Variants in CYP26C1 observed in about 807,000 individuals in gnomAD.
CYP26C1 encodes the protein cytochrome P450 family 26 subfamily C member 1.
In CYP26C1, 41 loss-of-function variants were observed where a neutral mutation model predicts 39.1. The ratio of observed to expected loss-of-function variants is 1.05; its 90% confidence interval spans 0.82 to 1.36. The LOEUF (loss-of-function observed/expected upper bound fraction) is 1.36, where lower values mean the gene tolerates loss of function less well. Ranked by LOEUF, CYP26C1 falls within the 40% of genes most tolerant of loss-of-function variation. The probability of loss-of-function intolerance (pLI) is 0.00; values close to 1 mark genes in which losing one functional copy is unlikely to be tolerated. For missense variants in CYP26C1, 833 were observed against 752.0 expected (o/e 1.11, Z -1.26); for synonymous variants, 362 against 350.8 (o/e 1.03, Z -0.36).
Position 93,068,320 on chromosome 10 carries a change from G to T in CYP26C1, c.1192G>T (p.Gly398Cys). The T allele has an allele frequency of 6.6e-7, 1 of 1,513,326 alleles. No homozygotes were observed. Among genetic ancestry groups the T allele is most frequent in the South Asian group, 1.3e-5 (1 of 74,422 alleles). 93.7% of individuals were successfully genotyped at this position (1,513,326 alleles called of 1,614,324 possible). ...RTALRTFELDGYQIPKGWSVM... is the reference protein window; with the variant it reads ...RTALRTFELDCYQIPKGWSVM... ...GGCTGATCTCCTCGCCTCTCTGCAG[G>T]GCTACCAGATCCCCAAGGGCTGGAG... The change falls in exon 6 of 6, where the codon GGC becomes TGC. Residue 398 changes from glycine (G) to cysteine (C), a missense_variant and splice_region_variant. By Grantham distance (159) the Gly-to-Cys change is radical. Coordinates refer to ENST00000651965, the MANE Select transcript of CYP26C1 (RefSeq NM_183374.3).
chr10:93,063,642 T>C lies in CYP26C1; in HGVS notation c.705+647T>C. 3 of 985,482 alleles carry C rather than the reference T, an allele frequency of 3.0e-6. No individual in the cohort carries two copies. In the African/African-American group the frequency reaches 5.2e-5, roughly 17 times the overall value. 61.0% of individuals were successfully genotyped at this position (985,482 alleles called of 1,614,324 possible). A position where few individuals can be genotyped will look rare whatever the true frequency, so the allele number is the denominator to read the frequency against. On this transcript the variant is annotated intron_variant, in intron 3 of 5. Transcript: ENST00000651965. ...TGGTTTTCAGTCACCTGCATAAAAA[T>C]AATATGTGTAAAGGATCATGCTATA...
chr10:93,062,923 C>A lies in CYP26C1; in HGVS notation c.633C>A (p.Ala211=), dbSNP rs767019317. Reference sequence around the variant, plus strand: ...ACGAGGCGCAGTGCGCCACGCTGGCCCGGACCTTCGAGCAGCTCGTGGAGA... The same window carrying A: ...ACGAGGCGCAGTGCGCCACGCTGGCACGGACCTTCGAGCAGCTCGTGGAGA... ...RLDEAQCATL[A]RTFEQLVENL... is the part of the protein sequence containing the mutation. Residue 211 remains alanine (A), a synonymous_variant, in exon 3 of 6, where the codon GCC becomes GCA. Coordinates refer to ENST00000651965, the MANE Select transcript of CYP26C1 (RefSeq NM_183374.3). The A allele has an allele frequency of 6.2e-7, 1 of 1,605,944 alleles. No individual in the cohort carries two copies. The highest frequency in any genetic ancestry group is 8.5e-7 in the Non-Finnish European group (1 of 1,178,788).
chr10:93,061,078 A>G lies in CYP26C1; in HGVS notation c.-186A>G. ...TTCCCTAAGGGCGCACGGTCACTGC[A>G]GTCTTTCACCGTCCGTCTGTTTTTA... On this transcript the variant is annotated 5_prime_UTR_variant, in exon 1 of 6. Transcript: ENST00000651965. 1 of 618,892 alleles carries G rather than the reference A, an allele frequency of 1.6e-6. No homozygotes were observed. Among genetic ancestry groups the G allele is most frequent in the Non-Finnish European group, 2.7e-6 (1 of 365,114 alleles). 38.3% of individuals were successfully genotyped at this position (618,892 alleles called of 1,614,324 possible).
In CYP26C1 at chr10:93,061,454, A is replaced by G. The variant is rs767361426; in HGVS notation, c.191A>G (p.His64Arg). Residue 64 changes from histidine to arginine, a missense_variant, in exon 1 of 6, where the codon CAC (histidine) becomes CGC (arginine). By Grantham distance (29) the His-to-Arg change is conservative (BLOSUM62 0). Transcript: ENST00000651965. ...MGWPFFGETL[H>R]WLVQGSRFHS... is the part of the protein sequence containing the mutation. ...TGGCCCTTCTTCGGCGAAACGCTGC[A>G]CTGGTTAGTTCAGGTGAGCAGTCCT... The G allele has an allele frequency of 1.9e-6, 3 of 1,551,258 alleles. No individual in the cohort carries two copies. The African/African-American group carries it at 4.1e-5, about 21-fold the overall frequency.
chr10:93,062,555 A>G (rs1392924590), intron 2 of CYP26C1, among the ~76,000 whole-genome samples, 165 bp from the exon 3 acceptor site: 6 of 152,244 alleles, frequency 3.9e-5, no homozygotes, highest in Admixed American at 1.3e-4. Flanking sequence ...GACTGTGTGC[A>G]TCAGAGCAGA....
Position 93,068,317 on chromosome 10 carries a change from C to A in CYP26C1, c.1192-3C>A. 1.3e-6 allele frequency: 2 copies of A among 1,508,666 alleles called. No homozygotes were observed. Among genetic ancestry groups the A allele is most frequent in the Non-Finnish European group, 1.8e-6 (2 of 1,129,708 alleles). The allele number at this position is 1,508,666 out of a possible 1,614,324, so 93.5% of individuals were successfully genotyped here. Reference sequence around the variant, plus strand: ...TCAGGCTGATCTCCTCGCCTCTCTGCAGGGCTACCAGATCCCCAAGGGCTG... The same window carrying A: ...TCAGGCTGATCTCCTCGCCTCTCTGAAGGGCTACCAGATCCCCAAGGGCTG... On this transcript the variant is annotated splice_region_variant and splice_polypyrimidine_tract_variant and intron_variant, in intron 5 of 5. Coordinates refer to ENST00000651965, the MANE Select transcript of CYP26C1 (RefSeq NM_183374.3).
chr10:93,069,111 A>T lies in CYP26C1; in HGVS notation c.*414A>T, dbSNP rs1590139404. 6.1e-6 allele frequency: 1 copy of T among 162,630 alleles called. No individual in the cohort carries two copies. The highest frequency in any genetic ancestry group is 2.4e-5 in the African/African-American group (1 of 41,918). 10.1% of individuals were successfully genotyped at this position (162,630 alleles called of 1,614,324 possible). A position where few individuals can be genotyped will look rare whatever the true frequency, so the allele number is the denominator to read the frequency against. On this transcript the variant is annotated 3_prime_UTR_variant, in exon 6 of 6. Transcript: ENST00000651965. ...ATTGCAACTCGGGGACATTGCAGAG[A>T]CCCGACGCACGCGGTGGGACCTGCA... is the stretch of plus-strand genomic sequence containing the variant.
chr10:93,063,084 C>T (rs1846773963), intron 3 of CYP26C1, 89 bp downstream of exon 3: 1 of 1,476,152 alleles, frequency 6.8e-7, no homozygotes, highest in African/African-American at 1.5e-5. Flanking sequence ...TCGGCGCACC[C>T]CGCGCGTCCG....
Position 93,066,086 on chromosome 10 carries a change from TG to T in CYP26C1, c.996del (p.Arg333AlafsTer75). 1 of 1,364,164 alleles carries T rather than the reference TG, an allele frequency of 7.3e-7. No homozygotes were observed. Among genetic ancestry groups the T allele is most frequent in the Non-Finnish European group, 9.4e-7 (1 of 1,062,380 alleles). The allele number at this position is 1,364,164 out of a possible 1,614,324, so 84.5% of individuals were successfully genotyped here. ...KIREELVAQGLGRACGCAPGA... is the reference protein window; with the variant it reads ...KIREELVAQGXGRACGCAPGA... Reference sequence around the variant, plus strand: ...CGGGAGGAGCTGGTGGCGCAGGGGCTGGGGCGCGCGTGCGGCTGCGCGCCCG... The same window carrying T: ...CGGGAGGAGCTGGTGGCGCAGGGGCTGGGCGCGCGTGCGGCTGCGCGCCCG... On this transcript the variant is annotated frameshift_variant, in exon 5 of 6. Transcript: ENST00000651965. LOFTEE classifies it high-confidence loss of function.
Position 93,061,246 on chromosome 10 carries a change from G to C in CYP26C1, c.-18G>C. ...GCTCTCCCTGCGCTCTGAGCGGCCT[G>C]GCCCCCGCGGGCTCATCATGTTCCC... On this transcript the variant is annotated 5_prime_UTR_variant, in exon 1 of 6. Coordinates refer to ENST00000651965, the MANE Select transcript of CYP26C1 (RefSeq NM_183374.3). 1 of 1,551,856 alleles carries C rather than the reference G, an allele frequency of 6.4e-7. No homozygotes were observed. The highest frequency in any genetic ancestry group is 1.4e-5 in the African/African-American group (1 of 73,748).
intron 4 of CYP26C1, chr10:93,064,754 G>C (rs1433852271): frequency 7.8e-7 from 1 of 1,278,060 alleles, no homozygotes; most frequent in African/African-American, 1.5e-5. Flanking sequence ...GTCAGTAGGA[G>C]AACTGAAGGC....
Position 93,065,956 on chromosome 10 carries a change from G to A in CYP26C1, c.862G>A (p.Glu288Lys), listed in dbSNP as rs202104039. Reference protein sequence around the residue: ...GHEPSMQELKESAVELLFAAF... With the variant: ...GHEPSMQELKKSAVELLFAAF... ...AGTGCAGCCCGGGGCTGTCTTGCAG[G>A]AGTCGGCTGTGGAGCTCCTCTTCGC... Residue 288 changes from glutamate to lysine, a missense_variant and splice_region_variant, in exon 5 of 6, where the codon GAG becomes AAG. By Grantham distance (56) the Glu-to-Lys change is moderately conservative. Coordinates refer to ENST00000651965, the MANE Select transcript of CYP26C1 (RefSeq NM_183374.3). 5.7e-4 allele frequency: 907 copies of A among 1,579,712 alleles called. 2 individuals are homozygous for A. Among genetic ancestry groups the A allele is most frequent in the Non-Finnish European group, 6.9e-4 (802 of 1,164,968 alleles).
rs1326142059 is a variant in CYP26C1 at position 93,068,847 on chromosome 10, C to T, written c.*150C>T. 27 of 1,325,496 alleles carry T rather than the reference C, an allele frequency of 2.0e-5. No individual in the cohort carries two copies. Among genetic ancestry groups the T allele is most frequent in the Non-Finnish European group, 2.7e-5 (27 of 1,017,486 alleles). The allele number at this position is 1,325,496 out of a possible 1,614,324, so 82.1% of individuals were successfully genotyped here. ...AATGTTCGCCAAACGCGGATGTGTG[C>T]CGGACTCGAGGAAGGAGGAGGGCGA... On this transcript the variant is annotated 3_prime_UTR_variant, in exon 6 of 6. Transcript: ENST00000651965.
rs1846855743 is a variant in CYP26C1 at position 93,068,448 on chromosome 10, C to G, written c.1320C>G (p.Ser440=). Residue 440 remains serine, a synonymous_variant, in exon 6 of 6, where the codon TCC becomes TCG. Transcript: ENST00000651965. ...PERFGAARED[S]RGASSRFHYI... is the part of the protein sequence containing the mutation. The stretch of plus-strand genomic sequence containing the variant: ...GCTTCGGCGCAGCGCGCGAAGATTC[C>G]CGGGGCGCCTCCAGCCGCTTCCATT... 3 of 1,611,978 alleles carry G rather than the reference C, an allele frequency of 1.9e-6. No individual in the cohort carries two copies. Among genetic ancestry groups the G allele is most frequent in the African/African-American group, 1.3e-5 (1 of 75,034 alleles).
chr10:93,068,612 T>C lies in CYP26C1; in HGVS notation c.1484T>C (p.Val495Ala). 1 of 1,601,416 alleles carries C rather than the reference T, an allele frequency of 6.2e-7. No individual in the cohort carries two copies. The highest frequency in any genetic ancestry group is 8.5e-7 in the Non-Finnish European group (1 of 1,174,942). Reference protein sequence around the residue: ...ATPAFPAMQTVPIVHPVDGLR... With the variant: ...ATPAFPAMQTAPIVHPVDGLR... ...CCCGCCTTCCCCGCCATGCAGACGG[T>C]GCCCATCGTGCACCCAGTGGACGGG... Residue 495 changes from valine to alanine, a missense_variant, in exon 6 of 6, where the codon GTG becomes GCG. Coordinates refer to ENST00000651965, the MANE Select transcript of CYP26C1 (RefSeq NM_183374.3).
At chr10:93,064,584 A>G in intron 4 of CYP26C1, 48 bp downstream of exon 4, 4 of 1,585,336 alleles carry the variant, frequency 2.5e-6, no homozygotes, top group South Asian at 1.2e-5. Context: ...CATTCCCAGC[A>G]GGTCCCTACA....
rs377151786 is a variant in CYP26C1 at position 93,068,522 on chromosome 10, C to T, written c.1394C>T (p.Ala465Val). 3.9e-5 allele frequency: 62 copies of T among 1,603,062 alleles called. No homozygotes were observed. In the African/African-American group the frequency reaches 6.0e-4, roughly 16 times the overall value. Residue 465 changes from alanine to valine, a missense_variant, in exon 6 of 6, where the codon GCG becomes GTG. Coordinates refer to ENST00000651965, the MANE Select transcript of CYP26C1 (RefSeq NM_183374.3). ...CGCAGCTGCCTCGGCCAGGAGCTGGCGCAAGCCGTGCTCCAGCTGCTAGCT... is the reference window on the plus strand; with the variant it reads ...CGCAGCTGCCTCGGCCAGGAGCTGGTGCAAGCCGTGCTCCAGCTGCTAGCT... ...GARSCLGQELAQAVLQLLAVE... is the reference protein window; with the variant it reads ...GARSCLGQELVQAVLQLLAVE...
chr10:93,062,293 C>T, intron 2 of CYP26C1, 59 bp downstream of exon 2: 2 of 1,466,570 alleles, frequency 1.4e-6, no homozygotes, highest in South Asian at 2.7e-5. Flanking sequence ...CGGCATCTGC[C>T]ATGGGCCAGG....
chr10:93,061,835 G>A (rs184906678), intron 1 of CYP26C1, among the ~76,000 whole-genome samples, 175 bp from the exon 2 acceptor site: 2 of 152,354 alleles, frequency 1.3e-5, no homozygotes, highest in East Asian at 3.9e-4. Context: ...CTCACCAATA[G>A]GAACAGGAGC....
Sources: gnomAD v4.1 joint callset for allele counts (sites outside exome capture counted in the v4.1 genomes callset) on GRCh38, gnomAD v4.1.1 for gene constraint, MANE v1.5 for transcripts, NCBI Gene and HGNC (gene_info 2026-07-23, HGNC 2026-07-21) for gene names.